The following UBR1 variants were observed in gnomAD, a reference collection of about 807,000 sequenced individuals.
UBR1 encodes the protein E3 ubiquitin-protein ligase UBR1.
In UBR1, 102 loss-of-function variants were observed where a neutral mutation model predicts 242.1. That is an observed-to-expected ratio of 0.42 (90% CI 0.36 to 0.50). UBR1 has a LOEUF of 0.50. Among genes scored for constraint, UBR1 ranks in the 20% least tolerant of loss-of-function variants. The pLI is 0.01. For synonymous variants in UBR1, 675 were observed against 684.8 expected, an observed-to-expected ratio of 0.99 and a Z score of 0.22; for missense variants, 1,772 against 2,101.8, an observed-to-expected ratio of 0.84 and a Z score of 3.07.
At position 43,003,920 on chromosome 15, in the gene UBR1, G is replaced by C. The variant is rs752592051; in HGVS notation, c.3426C>G (p.Asp1142Glu). Residue 1142 changes from aspartate (D) to glutamate (E), a missense_variant, in exon 31 of 47, where the codon GAC becomes GAG. Transcript: ENST00000290650. ...CCAAGTCTGGATCCATGAAAAGTGG[G>C]TCTAGGGCTTCTGGTACAAGGTATA... ...KPIELSGEALDPLFMDPDLAY... is the reference protein window; with the variant it reads ...KPIELSGEALEPLFMDPDLAY... 6.2e-7 allele frequency: 1 copy of C among 1,614,090 alleles called. No homozygotes were observed. Among genetic ancestry groups the C allele is most frequent in the Non-Finnish European group, 8.5e-7 (1 of 1,179,990 alleles).
intron 44 of UBR1, among the ~76,000 whole-genome samples, chr15:42,957,193 A>G (rs528383932): frequency 1.3e-5 from 2 of 152,346 alleles, no homozygotes; most frequent in African/African-American, 4.8e-5. Flanking sequence ...TATTTAGTCA[A>G]AAAAGGAAAA....
Position 42,976,726 on chromosome 15 carries a change from C to T in UBR1, c.4360G>A (p.Val1454Ile), listed in dbSNP as rs1168761400. Reference protein sequence around the residue: ...MAHMLQILLTVDTGLPLAQVQ... With the variant: ...MAHMLQILLTIDTGLPLAQVQ... ...CAGATGAAAACCTTACCTGTGTCTA[C>T]TGTAAGTAGTATCTGAAGCATGTGT... The change falls in exon 39 of 47, where the codon GTA becomes ATA. Residue 1454 changes from valine (V) to isoleucine (I), a missense_variant. By Grantham distance (29) the Val-to-Ile change is conservative. This residue lies in a region of UBR1 where 965 missense variants were observed against 1,079.7 expected (regional missense o/e 0.89). Transcript: ENST00000290650. 7 of 1,613,964 alleles carry T rather than the reference C, an allele frequency of 4.3e-6. No individual in the cohort carries two copies. The highest frequency in any genetic ancestry group is 1.7e-5 in the Admixed American group (1 of 59,998).
intron 44 of UBR1, among the ~76,000 whole-genome samples, chr15:42,957,466 C>T (rs1033299695): frequency 6.6e-6 from 1 of 152,128 alleles, no homozygotes; most frequent in Non-Finnish European, 1.5e-5. Context: ...ACATTAAATG[C>T]CACTGAACTG....
intron 23 of UBR1, 150 bp from the exon 24 acceptor site, chr15:43,025,579 A>G (rs2033168093): frequency 3.1e-6 from 2 of 643,752 alleles, no homozygotes; most frequent in South Asian, 3.6e-5. Flanking sequence ...TAGAAATAAA[A>G]TTGTGTTCTA....
rs770434806 is a variant in UBR1 at position 43,026,549 on chromosome 15, AC to A, written c.2535+11del. ...TTTAGGTTTATTTACTGAAAAGGAT[AC>A]TTTTTTCTACCTTGCTATGCTGGGT... is the stretch of plus-strand genomic sequence containing the variant. On this transcript the variant is annotated intron_variant, in intron 23 of 46. Coordinates refer to ENST00000290650, the MANE Select transcript of UBR1 (RefSeq NM_174916.3). The A allele has an allele frequency of 2.1e-5, 34 of 1,607,310 alleles. No individual in the cohort carries two copies. The highest frequency in any genetic ancestry group is 2.7e-5 in the Non-Finnish European group (32 of 1,174,622).
intron 30 of UBR1, among the ~76,000 whole-genome samples, chr15:43,005,942 A>G (rs1009697234): frequency 3.3e-5 from 5 of 150,172 alleles, no homozygotes; most frequent in Middle Eastern, 3.2e-3. Flanking sequence ...CCAGGGACAC[A>G]AACACTGCGG....
chr15:42,977,584 G>C (rs2032309456), intron 38 of UBR1, among the ~76,000 whole-genome samples: 1 of 151,812 alleles, frequency 6.6e-6, no homozygotes, highest in African/African-American at 2.4e-5. Flanking sequence ...TTAAGAAAAA[G>C]GCCAGAAGAG....
intron 30 of UBR1, among the ~76,000 whole-genome samples, chr15:43,005,513 G>A (rs2032808267): frequency 6.6e-6 from 1 of 152,090 alleles, no homozygotes; most frequent in Admixed American, 6.5e-5. Context: ...CTGGGAGGTG[G>A]GGGGGCGCCT....
chr15:43,070,249 A>T (rs2033808003), intron 5 of UBR1, among the ~76,000 whole-genome samples: 1 of 126,080 alleles, frequency 7.9e-6, no homozygotes, highest in African/African-American at 3.0e-5. Context: ...AGTTCTAGCT[A>T]AAAAAAAAAA....
intron 19 of UBR1, among the ~76,000 whole-genome samples, chr15:43,034,069 C>A (rs946940299): frequency 4.6e-5 from 7 of 151,990 alleles, no homozygotes; most frequent in African/African-American, 1.7e-4. Flanking sequence ...GAAACCCCGT[C>A]TCTACTAAAA....
chr15:43,029,851 T>C, intron 21 of UBR1, 93 bp downstream of exon 21: 2 of 1,488,980 alleles, frequency 1.3e-6, no homozygotes, highest in Middle Eastern at 1.9e-4. Flanking sequence ...ATAGGACTTT[T>C]TGCCTAAAAT....
In UBR1 at chr15:42,998,226, T is replaced by C; in HGVS notation, c.3699A>G (p.Ala1233=). Reference sequence around the variant, plus strand: ...TGGCCAGAACAGTCTGTATCCACCGTGCCAGGGTCAAAAGTTGAGCAAGAG... The same window carrying C: ...TGGCCAGAACAGTCTGTATCCACCGCGCCAGGGTCAAAAGTTGAGCAAGAG... ...ADALAQLLTL[A]RWIQTVLARI... The change falls in exon 33 of 47, where the codon GCA becomes GCG. Residue 1233 remains alanine, a synonymous_variant. Coordinates refer to ENST00000290650, the MANE Select transcript of UBR1 (RefSeq NM_174916.3). 1 of 1,614,016 alleles carries C rather than the reference T, an allele frequency of 6.2e-7. No individual in the cohort carries two copies. The highest frequency in any genetic ancestry group is 2.2e-5 in the East Asian group (1 of 44,856).
At chr15:43,065,418 A>T (rs1264734169) in intron 6 of UBR1, among the ~76,000 whole-genome samples, 2 of 151,742 alleles carry the variant, frequency 1.3e-5, no homozygotes. Flanking sequence ...ACAGAGGTAA[A>T]CGTGTGCCAT....
At chr15:42,998,667 C>G (rs973886326) in intron 32 of UBR1, among the ~76,000 whole-genome samples, 62 of 152,194 alleles carry the variant, frequency 4.1e-4, no homozygotes, top group African/African-American at 1.4e-3. Context: ...CCTCTCATTA[C>G]TACCCCCTAA....
rs1250015830 is a variant in UBR1 at position 43,054,598 on chromosome 15, G to A, written c.1439+144C>T. Reference sequence around the variant, plus strand: ...CTTCACTGAAGACATTTATTAACGCGAGGCAGTAACAGTTCTTTGTACTTG... The same window carrying A: ...CTTCACTGAAGACATTTATTAACGCAAGGCAGTAACAGTTCTTTGTACTTG... On this transcript the variant is annotated intron_variant, in intron 12 of 46. Transcript: ENST00000290650. 155 of 912,758 alleles carry A rather than the reference G, an allele frequency of 1.7e-4. 2 individuals are homozygous for A. The South Asian group carries it at 2.0e-3, about 12-fold the overall frequency. 56.5% of individuals were successfully genotyped at this position (912,758 alleles called of 1,614,324 possible).
At position 42,988,921 on chromosome 15, in the gene UBR1, T is replaced by C; in HGVS notation, c.3895A>G (p.Thr1299Ala). ...TTCAATCCAATTCTATAAATTGTTG[T>C]GGCAAAGAGAATAACCATTTCCTTG... ...SIKEMVILFA[T>A]TIYRIGLKVP... Residue 1299 changes from threonine (T) to alanine (A), a missense_variant, in exon 35 of 47, where the codon ACA (threonine) becomes GCA (alanine). Thr to Ala is a moderately conservative substitution (Grantham distance 58). This residue lies in a region of UBR1 where 965 missense variants were observed against 1,079.7 expected (regional missense o/e 0.89). Coordinates refer to ENST00000290650, the MANE Select transcript of UBR1 (RefSeq NM_174916.3). The C allele has an allele frequency of 6.2e-7, 1 of 1,611,248 alleles. No homozygotes were observed. Among genetic ancestry groups the C allele is most frequent in the Non-Finnish European group, 8.5e-7 (1 of 1,177,350 alleles).
chr15:43,025,371 C>T lies in UBR1; in HGVS notation c.2584+10G>A, dbSNP rs2033165946. 1 of 1,606,750 alleles carries T rather than the reference C, an allele frequency of 6.2e-7. No individual in the cohort carries two copies. The highest frequency in any genetic ancestry group is 8.5e-7 in the Non-Finnish European group (1 of 1,175,654). ...GTCAAAATGAGTCAATTCAGAATCT[C>T]ACTTTTTACCTTCATCTTTGTTTTC... is the stretch of plus-strand genomic sequence containing the variant. On this transcript the variant is annotated intron_variant, in intron 24 of 46. Coordinates refer to ENST00000290650, the MANE Select transcript of UBR1 (RefSeq NM_174916.3).
At chr15:42,992,511 G>C (rs572803875) in intron 33 of UBR1, among the ~76,000 whole-genome samples, 15 of 152,330 alleles carry the variant, frequency 9.8e-5, no homozygotes, top group African/African-American at 3.4e-4. Context: ...AGCCTGTGCT[G>C]TGGTGTTTTG....
chr15:43,028,409 T>C (rs756620367), intron 21 of UBR1, among the ~76,000 whole-genome samples: 12 of 152,146 alleles, frequency 7.9e-5, no homozygotes, highest in African/African-American at 1.2e-4. Context: ...AGCTCACAGA[T>C]TCCTGTAGGC....
Sources: gnomAD v4.1 joint callset for allele counts (sites outside exome capture counted in the v4.1 genomes callset) on GRCh38, gnomAD v4.1.1 for gene constraint, gnomAD v4.1.1 regional missense constraint, MANE v1.5 for transcripts, NCBI Gene and HGNC (gene_info 2026-07-23, HGNC 2026-07-21) for gene names.